The following MYEF2 variants were observed in gnomAD, a reference collection of about 807,000 sequenced individuals.
MYEF2 encodes the protein myelin expression factor 2.
Under a neutral mutation model 75.2 loss-of-function variants are expected in MYEF2, and 37 were observed. That is an observed-to-expected ratio of 0.49 (90% CI 0.38 to 0.65). The LOEUF is 0.65. Among genes scored for constraint, MYEF2 ranks in the 30% least tolerant of loss-of-function variants. The pLI is 0.00. For missense variants in MYEF2, 634 were observed against 771.4 expected (o/e 0.82, Z 2.11); for synonymous variants, 195 against 241.6 (o/e 0.81, Z 1.79).
At chr15:48,145,143 C>G (rs2469596) in intron 16 of MYEF2, among the ~76,000 whole-genome samples, 11,404 of 151,810 alleles carry the variant, frequency 0.075, 1,159 homozygotes, top group African/African-American at 0.22. Flanking sequence ...TAAGATACTT[C>G]AACTTCCTCA....
At chr15:48,157,924 T>C (rs2039765046) in intron 9 of MYEF2, 69 bp downstream of exon 9, 1 of 1,585,872 alleles carries the variant, frequency 6.3e-7, no homozygotes, top group Non-Finnish European at 8.6e-7. Flanking sequence ...AAAAACAAAG[T>C]GTTGCTTAGC....
chr15:48,163,088 A>G (rs1027308548), intron 5 of MYEF2, among the ~76,000 whole-genome samples: 37 of 152,196 alleles, frequency 2.4e-4, no homozygotes, highest in African/African-American at 8.7e-4. Flanking sequence ...AAGTTCCTGA[A>G]GGAAACTTAA....
At chr15:48,177,614 G>C (rs1310022766) in intron 1 of MYEF2, among the ~76,000 whole-genome samples, 3 of 151,692 alleles carry the variant, frequency 2.0e-5, no homozygotes, top group Non-Finnish European at 4.4e-5. Flanking sequence ...GTGAAGCTCA[G>C]AAAGAAGCCA....
chr15:48,167,303 T>C (rs1296763112), intron 3 of MYEF2, 46 bp downstream of exon 3: 3 of 1,588,176 alleles, frequency 1.9e-6, no homozygotes, highest in East Asian at 2.2e-5. Flanking sequence ...AGTAAACTGC[T>C]GAGGAACTTT....
chr15:48,177,686 T>G (rs2040591555), intron 1 of MYEF2, among the ~76,000 whole-genome samples: 1 of 152,210 alleles, frequency 6.6e-6, no homozygotes, highest in African/African-American at 2.4e-5. Context: ...ATGTCATCCC[T>G]AGATACTCCC....
At chr15:48,163,191 G>A (rs1187359670) in intron 5 of MYEF2, among the ~76,000 whole-genome samples, 6 of 152,210 alleles carry the variant, frequency 3.9e-5, no homozygotes, top group East Asian at 1.9e-4. Context: ...TTAAGATACC[G>A]GTTACCTTTG....
At chr15:48,171,885 T>C (rs2040354789) in intron 1 of MYEF2, among the ~76,000 whole-genome samples, 1 of 152,102 alleles carries the variant, frequency 6.6e-6, no homozygotes, top group Admixed American at 6.5e-5. Context: ...AACCCTAAAA[T>C]AGTCATAAAA....
At position 48,136,670 on chromosome 15, in the gene MYEF2, TTC is replaced by T. The variant is rs1567226420; in HGVS notation, c.*6236_*6237del. 2.5e-6 allele frequency: 4 copies of T among 1,575,818 alleles called. No homozygotes were observed. The Admixed American group carries it at 7.4e-5, about 29-fold the overall frequency. ...TCACTTTTAATTTAAAAACACAAAT[TTC>T]TCTTTTGTAGGTATGAAGGGGCTTT... On this transcript the variant is annotated 3_prime_UTR_variant, in exon 17 of 17. Coordinates refer to ENST00000324324, the MANE Select transcript of MYEF2 (RefSeq NM_016132.5).
chr15:48,136,451 A>T lies in MYEF2; in HGVS notation c.*6457T>A. 2.8e-6 allele frequency: 1 copy of T among 362,476 alleles called. No individual in the cohort carries two copies. The highest frequency in any genetic ancestry group is 4.9e-6 in the Non-Finnish European group (1 of 205,104). 22.5% of individuals were successfully genotyped at this position (362,476 alleles called of 1,614,324 possible). On this transcript the variant is annotated 3_prime_UTR_variant, in exon 17 of 17. Transcript: ENST00000324324. ...TCTACAAGTAAAAACGAGTTTGTTG[A>T]TCTTGTTTTTAAAAAAAAAAAAACA...
chr15:48,146,201 T>C (rs1340003728), intron 16 of MYEF2, among the ~76,000 whole-genome samples: 1 of 151,970 alleles, frequency 6.6e-6, no homozygotes, highest in African/African-American at 2.4e-5. Context: ...TATGCCCATT[T>C]GACCCTATTA....
At chr15:48,162,600 C>T (rs2140900831) in intron 5 of MYEF2, 1 of 152,260 alleles carries the variant, frequency 6.6e-6, no homozygotes, top group Non-Finnish European at 1.5e-5. Context: ...AGATATTGCA[C>T]TTTTTGCAAA....
At chr15:48,150,813 A>G (rs1346860525) in intron 14 of MYEF2, among the ~76,000 whole-genome samples, 1 of 152,120 alleles carries the variant, frequency 6.6e-6, no homozygotes, top group Non-Finnish European at 1.5e-5. Flanking sequence ...CTCCTGAAAC[A>G]TGATCAGAGA....
chr15:48,152,547 A>G, intron 10 of MYEF2: 1 of 393,568 alleles, frequency 2.5e-6, no homozygotes, highest in South Asian at 7.1e-5. Flanking sequence ...GTTAGAGAAT[A>G]TCTTGAACTA....
chr15:48,170,676 C>T (rs961477452), intron 1 of MYEF2, among the ~76,000 whole-genome samples: 4 of 152,164 alleles, frequency 2.6e-5, no homozygotes, highest in African/African-American at 9.6e-5. Flanking sequence ...CCACACACCT[C>T]TAACTGCAGT....
chr15:48,141,238 G>A lies in MYEF2; in HGVS notation c.*1670C>T. On this transcript the variant is annotated 3_prime_UTR_variant, in exon 17 of 17. Coordinates refer to ENST00000324324, the MANE Select transcript of MYEF2 (RefSeq NM_016132.5). ...AGGTAAGAACTAGGTCCCTCAAGCT[G>A]CAATGGTCATTCTACAAGGCTAGAA... 6.5e-7 allele frequency: 1 copy of A among 1,527,612 alleles called. No individual in the cohort carries two copies. Among genetic ancestry groups the A allele is most frequent in the Non-Finnish European group, 9.1e-7 (1 of 1,101,836 alleles). The allele number at this position is 1,527,612 out of a possible 1,614,324, so 94.6% of individuals were successfully genotyped here.
intron 1 of MYEF2, among the ~76,000 whole-genome samples, chr15:48,176,780 G>A (rs1425930825): frequency 6.6e-6 from 1 of 152,140 alleles, no homozygotes; most frequent in African/African-American, 2.4e-5. Flanking sequence ...GGCAAGCATG[G>A]TAGAAAGCAC....
rs749766700 is a variant in MYEF2, at chr15:48,158,202, T to C, written c.894A>G (p.Leu298=). 8.7e-6 allele frequency: 14 copies of C among 1,612,920 alleles called. No individual in the cohort carries two copies. Among genetic ancestry groups the C allele is most frequent in the Non-Finnish European group, 1.2e-5 (14 of 1,179,354 alleles). The change falls in exon 8 of 17, where the codon TTA becomes TTG. Residue 298 remains leucine (L), a synonymous_variant. Coordinates refer to ENST00000324324, the MANE Select transcript of MYEF2 (RefSeq NM_016132.5). ...QAISMFNGQF[L]FDRPMHVKMD... ...TTTTCACATGCATAGGTCTATCAAATAAAAACTGCCCATTGAACATAGCTG... is the reference window on the plus strand; with the variant it reads ...TTTTCACATGCATAGGTCTATCAAACAAAAACTGCCCATTGAACATAGCTG...
rs531469220 is a variant in MYEF2, at chr15:48,170,735, G to C, written c.162-1896C>G. Among the ~76,000 whole-genome samples, 19 of 152,200 alleles carry C rather than the reference G, an allele frequency of 1.2e-4. 1 individual carries two copies. Among genetic ancestry groups the C allele is most frequent in the African/African-American group, 4.3e-4 (18 of 41,536 alleles). ...AGCTTCTTGAACACTACTCTTCTTT[G>C]TAGGTAACACAGCCATAAATATAGT... On this transcript the variant is annotated intron_variant, in intron 1 of 16. Transcript: ENST00000324324.
intron 1 of MYEF2, among the ~76,000 whole-genome samples, chr15:48,175,541 T>C (rs1163116811): frequency 1.3e-5 from 2 of 152,188 alleles, no homozygotes; most frequent in Non-Finnish European, 2.9e-5. Flanking sequence ...TTTCACAATT[T>C]ATTTGTATAC....
Sources: allele counts gnomAD v4.1 joint callset (sites outside exome capture counted in the v4.1 genomes callset), GRCh38; gene constraint gnomAD v4.1.1; transcripts MANE v1.5; gene names NCBI Gene and HGNC (gene_info 2026-07-23, HGNC 2026-07-21).